The following WSCD2 variants were observed in gnomAD, a reference collection of about 807,000 sequenced individuals.
The protein encoded by WSCD2 is WSC domain sialate O sulfotransferase 2.
WSCD2 carries 28 observed loss-of-function variants against 55.7 expected under a neutral mutation model. The observed-to-expected ratio is 0.50, with a 90% CI of 0.37 to 0.69. WSCD2 has a LOEUF of 0.69. Among genes scored for constraint, WSCD2 ranks in the 30% least tolerant of loss-of-function variants. The pLI, the probability that WSCD2 is intolerant of heterozygous loss-of-function variation, is 0.00. For synonymous variants in WSCD2, 301 were observed against 301.9 expected, an observed-to-expected ratio of 1.00 and a Z score of 0.03; for missense variants, 616 against 762.1, an observed-to-expected ratio of 0.81 and a Z score of 2.26.
chr12:108,142,983 A>T (rs566687048), intron 1 of WSCD2, among the ~76,000 whole-genome samples: 15 of 152,182 alleles, frequency 9.9e-5, no homozygotes, highest in East Asian at 7.7e-4. Context: ...GCTAATTTTT[A>T]AAAAAATTTT....
intron 7 of WSCD2, among the ~76,000 whole-genome samples, chr12:108,237,319 T>C (rs1889350051): frequency 6.6e-6 from 1 of 152,244 alleles, no homozygotes; most frequent in African/African-American, 2.4e-5. Flanking sequence ...AACAAGATTG[T>C]TTCTCCAAAT....
At chr12:108,164,161 T>TTTTTTTTTTTTTTTTTTTTTTTTG (rs1555224811) in intron 1 of WSCD2, among the ~76,000 whole-genome samples, 2 of 145,982 alleles carry the variant, frequency 1.4e-5, no homozygotes, top group Non-Finnish European at 1.5e-5. Context: ...TTTTTTTTTT[T>TTTTTTTTTTTTTTTTTTTTTTTTG]TCAGAGAGGG....
intron 1 of WSCD2, among the ~76,000 whole-genome samples, chr12:108,169,521 C>T (rs887233305): frequency 3.3e-5 from 5 of 152,056 alleles, no homozygotes; most frequent in Non-Finnish European, 7.4e-5. Flanking sequence ...TAGGAGGCTT[C>T]GTCTGTGACT....
intron 1 of WSCD2, among the ~76,000 whole-genome samples, chr12:108,190,474 C>A (rs1276800124): frequency 6.6e-6 from 1 of 152,112 alleles, no homozygotes; most frequent in Non-Finnish European, 1.5e-5. Context: ...CAGCCCCCTA[C>A]CCAGCCTCAC....
At chr12:108,138,844 T>G (rs954567096) in intron 1 of WSCD2, among the ~76,000 whole-genome samples, 1 of 152,216 alleles carries the variant, frequency 6.6e-6, no homozygotes, top group Admixed American at 6.5e-5. Flanking sequence ...AGGCACCTAT[T>G]TCATTTCAGA....
intron 1 of WSCD2, among the ~76,000 whole-genome samples, chr12:108,173,810 C>CTCTCTCTGTG (rs376999073): frequency 2.4e-4 from 32 of 131,234 alleles, no homozygotes; most frequent in Non-Finnish European, 3.7e-4. Flanking sequence ...TCCTGGCTCT[C>CTCTCTCTGTG]TGTGTGTGTG....
rs569227441 is a variant in WSCD2, at chr12:108,238,650, C to T, written c.1145-1694C>T. 4.6e-5 allele frequency among the ~76,000 whole-genome samples: 7 copies of T among 152,310 alleles called. No individual in the cohort carries two copies. The South Asian group carries it at 1.2e-3, about 27-fold the overall frequency. On this transcript the variant is annotated intron_variant, in intron 7 of 8. Coordinates refer to ENST00000547525, the MANE Select transcript of WSCD2 (RefSeq NM_014653.4). ...CCTTGTGAGGGAGAAAGTGCATGGA[C>T]CCATTTTACAGATGAGGAAAACTGA...
intron 7 of WSCD2, among the ~76,000 whole-genome samples, chr12:108,239,594 C>T (rs931893260): frequency 6.6e-6 from 1 of 152,188 alleles, no homozygotes; most frequent in African/African-American, 2.4e-5. Flanking sequence ...TTCTATGGGC[C>T]ACAGGAAGTC....
intron 1 of WSCD2, among the ~76,000 whole-genome samples, chr12:108,134,780 G>A (rs1875998563): frequency 6.6e-6 from 1 of 152,114 alleles, no homozygotes; most frequent in African/African-American, 2.4e-5. Flanking sequence ...ATAATGATAA[G>A]TACCATATAC....
rs1339036535 is a variant in WSCD2, at chr12:108,199,234, G to A, written c.382+3020G>A. 2.6e-5 allele frequency among the ~76,000 whole-genome samples: 4 copies of A among 151,774 alleles called. No individual in the cohort carries two copies. In the East Asian group the frequency reaches 5.9e-4, roughly 23 times the overall value. On this transcript the variant is annotated intron_variant, in intron 2 of 8. Coordinates refer to ENST00000547525, the MANE Select transcript of WSCD2 (RefSeq NM_014653.4). ...AAATGAGACACTTCTCCGGCCTGAC[G>A]CTAAACTCATTTTGTTTTCTCCAAG...
At chr12:108,178,694 C>T (rs1565938020) in intron 1 of WSCD2, among the ~76,000 whole-genome samples, 2 of 152,190 alleles carry the variant, frequency 1.3e-5, no homozygotes, top group South Asian at 2.1e-4. Flanking sequence ...GTAACAGCAA[C>T]AATACTCATA....
Position 108,227,171 on chromosome 12 carries a change from T to C in WSCD2, c.979+7T>C. The C allele has an allele frequency of 1.2e-6, 2 of 1,610,510 alleles. No individual in the cohort carries two copies. The highest frequency in any genetic ancestry group is 1.7e-6 in the Non-Finnish European group (2 of 1,178,132). Reference sequence around the variant, plus strand: ...TACCAGACACAAGTCCAAGGTGAGCTAGGCCCTTCCCCAGTGGACCCCAGA... The same window carrying C: ...TACCAGACACAAGTCCAAGGTGAGCCAGGCCCTTCCCCAGTGGACCCCAGA... On this transcript the variant is annotated splice_region_variant and intron_variant, in intron 6 of 8. Coordinates refer to ENST00000547525, the MANE Select transcript of WSCD2 (RefSeq NM_014653.4).
chr12:108,205,255 T>A lies in WSCD2; in HGVS notation c.383-1034T>A, dbSNP rs78087165. 5.8e-3 allele frequency among the ~76,000 whole-genome samples: 884 copies of A among 152,336 alleles called. 5 individuals carry two copies. Among genetic ancestry groups the A allele is most frequent in the African/African-American group, 0.02 (849 of 41,584 alleles). On this transcript the variant is annotated intron_variant, in intron 2 of 8. Coordinates refer to ENST00000547525, the MANE Select transcript of WSCD2 (RefSeq NM_014653.4). ...GGCTTCAATTCTGAATCCACACATATGAACTGTGTTACTTTGAGCAAGTGA... is the reference window on the plus strand; with the variant it reads ...GGCTTCAATTCTGAATCCACACATAAGAACTGTGTTACTTTGAGCAAGTGA...
chr12:108,216,042 G>A (rs565859093), intron 4 of WSCD2, among the ~76,000 whole-genome samples: 6 of 152,308 alleles, frequency 3.9e-5, no homozygotes, highest in East Asian at 3.9e-4. Context: ...CTGTGGGGCC[G>A]AGAGGATTTC....
At chr12:108,234,375 G>T (rs1023375635) in intron 7 of WSCD2, among the ~76,000 whole-genome samples, 2 of 152,178 alleles carry the variant, frequency 1.3e-5, no homozygotes. Flanking sequence ...GGCAGAGACT[G>T]GGGGAGAAAA....
chr12:108,202,893 G>C (rs1248200942), intron 2 of WSCD2, among the ~76,000 whole-genome samples: 1 of 152,210 alleles, frequency 6.6e-6, no homozygotes, highest in Non-Finnish European at 1.5e-5. Context: ...AGGCTTTGGG[G>C]AAGATGGACC....
intron 1 of WSCD2, among the ~76,000 whole-genome samples, chr12:108,173,493 C>A (rs1880454963): frequency 6.6e-6 from 1 of 152,098 alleles, no homozygotes; most frequent in Non-Finnish European, 1.5e-5. Context: ...CCACCCTCCC[C>A]TGCCTTCATC....
At chr12:108,235,590 A>G (rs1889191081) in intron 7 of WSCD2, among the ~76,000 whole-genome samples, 1 of 152,166 alleles carries the variant, frequency 6.6e-6, no homozygotes, top group Non-Finnish European at 1.5e-5. Context: ...TGTGGGCAAT[A>G]TTAATTGGTC....
intron 1 of WSCD2, among the ~76,000 whole-genome samples, chr12:108,162,979 G>C (rs1436295418): frequency 6.6e-6 from 1 of 152,176 alleles, no homozygotes; most frequent in Non-Finnish European, 1.5e-5. Flanking sequence ...CAAAAACCTG[G>C]AGGAAGTGGA....
Sources: gnomAD v4.1 joint callset for allele counts (sites outside exome capture counted in the v4.1 genomes callset) on GRCh38, gnomAD v4.1.1 for gene constraint, MANE v1.5 for transcripts, NCBI Gene and HGNC (gene_info 2026-07-23, HGNC 2026-07-21) for gene names.